Variants in COL11A1 observed in about 807,000 individuals in gnomAD.
COL11A1 encodes collagen alpha-1(XI) chain.
COL11A1 carries 74 observed loss-of-function variants against 265.2 expected under a neutral mutation model. The ratio of observed to expected loss-of-function variants is 0.28; its 90% CI spans 0.23 to 0.34. The LOEUF is 0.34. COL11A1 is among the 10% of genes least tolerant of loss of function. The probability of loss-of-function intolerance (pLI) is 1.00; values close to 1 mark genes in which losing one functional copy is unlikely to be tolerated. For missense variants in COL11A1, 2,165 were observed against 2,263.6 expected (o/e 0.96, Z 0.88); for synonymous variants, 816 against 727.6 (o/e 1.12, Z -1.96).
chr1:103,075,619 G>A (rs1168216127), intron 3 of COL11A1, among the ~76,000 whole-genome samples: 1 of 152,082 alleles, frequency 6.6e-6, no homozygotes, highest in Non-Finnish European at 1.5e-5. Context: ...TATTAACAAT[G>A]TATAGTGCTA....
chr1:103,018,200 A>G (rs1035802157), intron 10 of COL11A1, among the ~76,000 whole-genome samples: 1 of 152,132 alleles, frequency 6.6e-6, no homozygotes, highest in African/African-American at 2.4e-5. Context: ...AGATCTCAAA[A>G]ATTTGATAGC....
chr1:102,996,382 G>A (rs980856407), intron 26 of COL11A1, among the ~76,000 whole-genome samples: 1 of 151,764 alleles, frequency 6.6e-6, no homozygotes, highest in Non-Finnish European at 1.5e-5. Flanking sequence ...CTATACTAAT[G>A]TCTATAAAAG....
intron 46 of COL11A1, among the ~76,000 whole-genome samples, chr1:102,934,070 G>A (rs544286317): frequency 7.2e-5 from 11 of 152,340 alleles, no homozygotes; most frequent in African/African-American, 2.6e-4. Context: ...CACGCTGGGA[G>A]CTGTAGACTG....
At chr1:102,918,648 T>TA (rs71696647) in intron 49 of COL11A1, among the ~76,000 whole-genome samples, 40 of 151,292 alleles carry the variant, frequency 2.6e-4, no homozygotes, top group African/African-American at 7.7e-4. Context: ...TGCTGTCACA[T>TA]AAAAAAAAAT....
chr1:102,954,350 T>A (rs897004993), intron 41 of COL11A1, among the ~76,000 whole-genome samples: 1 of 150,438 alleles, frequency 6.6e-6, no homozygotes, highest in Admixed American at 6.6e-5. Flanking sequence ...AATAAATGTT[T>A]TATCAGTTAT....
chr1:102,944,707 T>C (rs773888302), intron 42 of COL11A1, among the ~76,000 whole-genome samples: 1 of 152,170 alleles, frequency 6.6e-6, no homozygotes, highest in Non-Finnish European at 1.5e-5. Flanking sequence ...AAATCTAAGG[T>C]TTTTATCCAC....
intron 10 of COL11A1, 140 bp downstream of exon 10, chr1:103,018,678 G>T (rs897742915): frequency 3.0e-6 from 2 of 659,270 alleles, no homozygotes; most frequent in African/African-American, 1.8e-5. Context: ...CAGTTCAAAG[G>T]CACCAGCTCC....
intron 4 of COL11A1, among the ~76,000 whole-genome samples, chr1:103,070,199 C>T (rs1337181): frequency 0.17 from 20,183 of 115,996 alleles, 1,531 homozygotes; most frequent in Admixed American, 0.22. Context: ...TGTTAAAATC[C>T]TACTCAGCAA....
At chr1:103,041,698 C>T (rs1337178) in intron 4 of COL11A1, among the ~76,000 whole-genome samples, 12,151 of 151,500 alleles carry the variant, frequency 0.08, 542 homozygotes, top group Middle Eastern at 0.16. Context: ...TTTATTTTTT[C>T]AAATTCTGAA....
chr1:103,040,144 G>C (rs930809622), intron 4 of COL11A1, among the ~76,000 whole-genome samples: 1 of 151,732 alleles, frequency 6.6e-6, no homozygotes, highest in African/African-American at 2.4e-5. Context: ...AATTTTGTTT[G>C]TATCATTAAT....
intron 53 of COL11A1, among the ~76,000 whole-genome samples, chr1:102,912,965 T>C (rs1487240544): frequency 6.6e-6 from 1 of 152,222 alleles, no homozygotes; most frequent in Non-Finnish European, 1.5e-5. Context: ...CATTATAAAT[T>C]ACCCATTCTT....
intron 4 of COL11A1, among the ~76,000 whole-genome samples, chr1:103,045,609 TTC>T (rs1271517095): frequency 3.3e-5 from 5 of 152,048 alleles, no homozygotes; most frequent in Non-Finnish European, 2.9e-5. Context: ...TATATCAATA[TTC>T]TTTTTTTAAT....
intron 4 of COL11A1, among the ~76,000 whole-genome samples, chr1:103,074,115 T>C (rs903745688): frequency 2.0e-5 from 3 of 152,136 alleles, no homozygotes; most frequent in African/African-American, 7.2e-5. Flanking sequence ...TGAAATATAA[T>C]TTGATGGAAA....
intron 4 of COL11A1, among the ~76,000 whole-genome samples, chr1:103,067,424 AT>A (rs1437985076): frequency 1.3e-5 from 2 of 151,890 alleles, no homozygotes; most frequent in African/African-American, 4.8e-5. Flanking sequence ...ATTGAAAATT[AT>A]TTTAACTAAA....
intron 46 of COL11A1, among the ~76,000 whole-genome samples, chr1:102,927,718 G>T (rs1480175136): frequency 6.6e-6 from 1 of 151,916 alleles, no homozygotes; most frequent in Non-Finnish European, 1.5e-5. Flanking sequence ...GAGTCCAATT[G>T]TAAGATATAT....
intron 4 of COL11A1, among the ~76,000 whole-genome samples, chr1:103,066,150 T>A (rs368958240): frequency 6.6e-6 from 1 of 152,210 alleles, no homozygotes; most frequent in Admixed American, 6.5e-5. Context: ...TAAAGAAAAC[T>A]TTTTAGACTG....
chr1:103,038,576 T>C (rs776516804), intron 4 of COL11A1, among the ~76,000 whole-genome samples: 1 of 152,104 alleles, frequency 6.6e-6, no homozygotes. Context: ...AGAGTAGATA[T>C]TTATTTTTAA....
chr1:103,013,369 T>G (rs1347144865), intron 13 of COL11A1, among the ~76,000 whole-genome samples: 3 of 151,924 alleles, frequency 2.0e-5, no homozygotes, highest in African/African-American at 7.2e-5. Context: ...ATTTTTCAAG[T>G]AGGTTAAGAG....
chr1:102,910,203 T>C (rs1226088568), intron 54 of COL11A1, among the ~76,000 whole-genome samples: 1 of 152,008 alleles, frequency 6.6e-6, no homozygotes, highest in Non-Finnish European at 1.5e-5. Flanking sequence ...TATTTTATTC[T>C]ATTACTTAAA....
Sources: allele counts gnomAD v4.1 joint callset (sites outside exome capture counted in the v4.1 genomes callset), GRCh38; gene constraint gnomAD v4.1.1; transcripts MANE v1.5; gene names NCBI Gene and HGNC (gene_info 2026-07-23, HGNC 2026-07-21).